HNF4G: variants seen among roughly 807,000 people sequenced by gnomAD.
The protein encoded by HNF4G is hepatocyte nuclear factor 4-gamma.
In HNF4G, 21 loss-of-function variants were observed where a neutral mutation model predicts 50.9. The ratio of observed to expected loss-of-function variants is 0.41; its 90% CI spans 0.29 to 0.59. The LOEUF (loss-of-function observed/expected upper bound fraction) is 0.59, where lower values mean the gene tolerates loss of function less well. HNF4G is among the 20% of genes least tolerant of loss of function. The pLI is 0.26. For synonymous variants in HNF4G, 198 were observed against 185.6 expected, an observed-to-expected ratio of 1.07 and a Z score of -0.54; for missense variants, 527 against 559.4, an observed-to-expected ratio of 0.94 and a Z score of 0.58.
chr8:75,418,940 C>T (rs1013949002), intron 1 of HNF4G, among the ~76,000 whole-genome samples: 51 of 151,864 alleles, frequency 3.4e-4, no homozygotes, highest in Non-Finnish European at 5.2e-4. Context: ...TTGGCCACAC[C>T]GACCTCGAAT....
chr8:75,434,074 G>A (rs141219399), intron 1 of HNF4G, among the ~76,000 whole-genome samples: 2,147 of 149,008 alleles, frequency 0.014, 23 homozygotes, highest in Middle Eastern at 0.028. Context: ...TGTGATCTCG[G>A]CTCACTACAA....
At chr8:75,476,073 A>G (rs1356927794) in intron 1 of HNF4G, among the ~76,000 whole-genome samples, 1 of 151,850 alleles carries the variant, frequency 6.6e-6, no homozygotes, top group Non-Finnish European at 1.5e-5. Context: ...CCAAAAGACC[A>G]TTTTTCAACA....
intron 2 of HNF4G, among the ~76,000 whole-genome samples, chr8:75,493,170 G>A (rs2130687055): frequency 6.6e-6 from 1 of 152,162 alleles, no homozygotes; most frequent in East Asian, 1.9e-4. Context: ...GGGAAGAAGG[G>A]AAAATCTCAT....
At chr8:75,547,329 A>T (rs553776821) in intron 2 of HNF4G, among the ~76,000 whole-genome samples, 1 of 152,324 alleles carries the variant, frequency 6.6e-6, no homozygotes, top group East Asian at 1.9e-4. Context: ...ATGACTCATG[A>T]TAAAAGTGGT....
intron 1 of HNF4G, among the ~76,000 whole-genome samples, chr8:75,452,870 C>T (rs1201577027): frequency 6.6e-6 from 1 of 152,170 alleles, no homozygotes; most frequent in African/African-American, 2.4e-5. Flanking sequence ...AATATGTTTG[C>T]TTTTCCACTT....
At chr8:75,505,950 A>G (rs1007983936) in intron 2 of HNF4G, among the ~76,000 whole-genome samples, 1 of 152,054 alleles carries the variant, frequency 6.6e-6, no homozygotes, top group Non-Finnish European at 1.5e-5. Flanking sequence ...TAGAAATGAC[A>G]TCTCTAGAGT....
Position 75,449,582 on chromosome 8 carries a change from C to T in HNF4G, c.-143-40507C>T, listed in dbSNP as rs528281616. The stretch of plus-strand genomic sequence containing the variant: ...AGTGCAGTGGGGCGATCTCGGCTCA[C>T]TGCAAGCTCCGCCTCCAGGGTTCAC... On this transcript the variant is annotated intron_variant, in intron 1 of 10. Coordinates refer to the HNF4G transcript ENST00000354370. 3.8e-3 allele frequency among the ~76,000 whole-genome samples: 565 copies of T among 150,258 alleles called. 5 individuals are homozygous for T. Among genetic ancestry groups the T allele is most frequent in the African/African-American group, 0.013 (523 of 40,810 alleles).
intron 2 of HNF4G, among the ~76,000 whole-genome samples, chr8:75,500,361 G>A (rs1812895910): frequency 6.6e-6 from 1 of 152,138 alleles, no homozygotes; most frequent in Non-Finnish European, 1.5e-5. Context: ...GAAAAAGGCA[G>A]AAAGTAACGA....
intron 1 of HNF4G, among the ~76,000 whole-genome samples, chr8:75,462,107 G>T (rs1039487034): frequency 5.3e-5 from 8 of 151,684 alleles, no homozygotes; most frequent in African/African-American, 1.9e-4. Context: ...AGTAGAGATG[G>T]GGTTTCTCCA....
chr8:75,550,719 T>C (rs1806924655), intron 3 of HNF4G, among the ~76,000 whole-genome samples: 1 of 151,504 alleles, frequency 6.6e-6, no homozygotes, highest in Admixed American at 6.6e-5. Context: ...TTTTTAACCC[T>C]GAAGTAAAGA....
chr8:75,507,395 G>A (rs1805622031), intron 2 of HNF4G, among the ~76,000 whole-genome samples: 1 of 151,762 alleles, frequency 6.6e-6, no homozygotes, highest in Admixed American at 6.6e-5. Context: ...CGAGTAGCTG[G>A]GATTACAGGT....
chr8:75,479,445 C>T (rs1464276133), intron 1 of HNF4G, among the ~76,000 whole-genome samples: 1 of 152,010 alleles, frequency 6.6e-6, no homozygotes, highest in Non-Finnish European at 1.5e-5. Flanking sequence ...TCTGGCAGAG[C>T]CCAGATTTGA....
rs759023517 is a variant in HNF4G at position 75,553,199 on chromosome 8, TAC to T, written c.645+6_645+7del. ...TGTGAATTACCATTGGATGATCAGG[TAC>T]ACATTTAAAACTTTATAAATGCTTT... On this transcript the variant is annotated splice_donor_region_variant and intron_variant, in intron 5 of 9. Transcript: ENST00000396423. 151 of 1,609,278 alleles carry T rather than the reference TAC, an allele frequency of 9.4e-5. 1 individual carries two copies. The highest frequency in any genetic ancestry group is 1.8e-4 in the South Asian group (16 of 90,426).
chr8:75,559,366 C>T (rs968169999), intron 8 of HNF4G, among the ~76,000 whole-genome samples: 11 of 152,096 alleles, frequency 7.2e-5, no homozygotes, highest in Admixed American at 2.6e-4. Context: ...CTCCGACTCC[C>T]TAATTCAAGT....
Position 75,553,207 on chromosome 8 carries a change from T to C in HNF4G, c.645+10T>C. 6.3e-7 allele frequency: 1 copy of C among 1,599,300 alleles called. No homozygotes were observed. Among genetic ancestry groups the C allele is most frequent in the Admixed American group, 1.7e-5 (1 of 57,846 alleles). On this transcript the variant is annotated intron_variant, in intron 5 of 9. Coordinates refer to ENST00000396423, the MANE Select transcript of HNF4G (RefSeq NM_004133.5). ...ACCATTGGATGATCAGGTACACATT[T>C]AAAACTTTATAAATGCTTTAAAAAT... is the stretch of plus-strand genomic sequence containing the variant.
intron 3 of HNF4G, among the ~76,000 whole-genome samples, chr8:75,548,633 T>C (rs867519221): frequency 4.6e-5 from 7 of 152,328 alleles, no homozygotes; most frequent in Middle Eastern, 3.4e-3. Context: ...ATTGAACACA[T>C]TGTAAACATG....
At chr8:75,490,174 C>T (rs1193358821) in exon 2 of HNF4G, 4 of 152,638 alleles carry the variant, frequency 2.6e-5, no homozygotes, top group Admixed American at 6.5e-5. Context: ...CTACTCTTCT[C>T]TACAAATATA....
chr8:75,501,087 C>T (rs1812913730), intron 2 of HNF4G, among the ~76,000 whole-genome samples: 1 of 151,578 alleles, frequency 6.6e-6, no homozygotes, highest in East Asian at 1.9e-4. Context: ...AAAAGACTAA[C>T]AAGGGAAGAA....
intron 1 of HNF4G, among the ~76,000 whole-genome samples, chr8:75,433,334 G>T (rs893732030): frequency 2.0e-5 from 3 of 149,610 alleles, no homozygotes; most frequent in Admixed American, 6.8e-5. Context: ...TTGAGCCCAA[G>T]ATTTTGAGAG....
Sources: gnomAD v4.1 joint callset for allele counts (sites outside exome capture counted in the v4.1 genomes callset) on GRCh38, gnomAD v4.1.1 for gene constraint, MANE v1.5 for transcripts, NCBI Gene and HGNC (gene_info 2026-07-23, HGNC 2026-07-21) for gene names.